The following ACTR3C variants were observed in gnomAD, a reference collection of about 807,000 sequenced individuals.
ACTR3C encodes the protein actin related protein 3C.
In ACTR3C, 18 loss-of-function variants were observed where a neutral mutation model predicts 26.3. That is an observed-to-expected ratio of 0.68 (90% CI 0.47 to 1.01). The LOEUF (loss-of-function observed/expected upper bound fraction) is 1.01, where lower values mean the gene tolerates loss of function less well. Among genes scored for constraint, ACTR3C ranks in the 50% least tolerant of loss-of-function variants. The pLI is 0.00. For missense variants in ACTR3C, 184 were observed against 250.7 expected, an observed-to-expected ratio of 0.73 and a Z score of 1.80; for synonymous variants, 55 against 94.5, an observed-to-expected ratio of 0.58 and a Z score of 2.42.
At chr7:150,268,070 T>C (rs1022162942) in intron 6 of ACTR3C, among the ~76,000 whole-genome samples, 3 of 152,108 alleles carry the variant, frequency 2.0e-5, no homozygotes, top group Non-Finnish European at 4.4e-5. Flanking sequence ...AGGAATGGCC[T>C]TGCTGAAAAG....
the ACTR3C span, among the ~76,000 whole-genome samples, chr7:149,944,297 C>T: frequency 0.23 from 34,862 of 150,720 alleles, 6,372 homozygotes; most frequent in African/African-American, 0.51. Context: ...CTAAGTGAAC[C>T]CTAAGGTTAC....
chr7:149,948,571 C>T, the ACTR3C span, among the ~76,000 whole-genome samples: 1 of 151,342 alleles, frequency 6.6e-6, no homozygotes, highest in African/African-American at 2.5e-5. Context: ...CTGGCTGGAA[C>T]GTTGGCCAGC....
chr7:150,133,203 C>T, the ACTR3C span, among the ~76,000 whole-genome samples: 4 of 152,226 alleles, frequency 2.6e-5, no homozygotes, highest in African/African-American at 7.2e-5. Context: ...TTAGGTTGGA[C>T]GCGAGCTTTG....
At chr7:150,303,820 A>G (rs1456098242) in intron 1 of ACTR3C, among the ~76,000 whole-genome samples, 4 of 152,240 alleles carry the variant, frequency 2.6e-5, no homozygotes, top group African/African-American at 9.6e-5. Context: ...CAGTGAGAAG[A>G]AGAGAAAGAG....
the ACTR3C span, among the ~76,000 whole-genome samples, chr7:149,947,750 G>A: frequency 1.4e-5 from 2 of 144,170 alleles, no homozygotes; most frequent in African/African-American, 2.9e-5. Context: ...CTGCTGATGC[G>A]GTGCAGCTAT....
chr7:150,173,713 C>T, the ACTR3C span, among the ~76,000 whole-genome samples: 2 of 129,532 alleles, frequency 1.5e-5, no homozygotes, highest in African/African-American at 7.3e-5. Context: ...AACTTTTATG[C>T]TCTGCTTCCC....
the ACTR3C span, among the ~76,000 whole-genome samples, chr7:149,963,263 T>TG: frequency 6.6e-6 from 1 of 152,154 alleles, no homozygotes; most frequent in Non-Finnish European, 1.5e-5. Context: ...CCAGATACAG[T>TG]GGGGAACTGC....
At chr7:150,056,662 G>T in the ACTR3C span, among the ~76,000 whole-genome samples, 1,698 of 151,420 alleles carry the variant, frequency 0.011, 17 homozygotes, top group African/African-American at 0.02. Context: ...ACTCTCAGCT[G>T]CAGCGGGATG....
rs187135279 is a variant in ACTR3C at position 150,294,992 on chromosome 7, T to A, written c.45+260A>T. ...GAAGCACATCTACACCTATATCTTG[T>A]CACCCAGATAAAAATGCATGAGACT... On this transcript the variant is annotated intron_variant, in intron 2 of 7. Coordinates refer to ENST00000683684, the MANE Select transcript of ACTR3C (RefSeq NM_001164458.2). 2.3e-3 allele frequency among the ~76,000 whole-genome samples: 350 copies of A among 152,160 alleles called. 10 individuals are homozygous for A. The highest frequency in any genetic ancestry group is 0.021 in the Admixed American group (320 of 15,298).
chr7:150,012,107 A>G, the ACTR3C span, among the ~76,000 whole-genome samples: 1 of 152,142 alleles, frequency 6.6e-6, no homozygotes, highest in Non-Finnish European at 1.5e-5. Context: ...ATATAAAAGA[A>G]CATTCCAGAT....
intron 1 of ACTR3C, among the ~76,000 whole-genome samples, chr7:150,303,461 C>T (rs1484300896): frequency 6.6e-6 from 1 of 152,222 alleles, no homozygotes; most frequent in Non-Finnish European, 1.5e-5. Context: ...TAAACTACTG[C>T]TTTTATACTT....
At chr7:149,972,862 A>AAT in the ACTR3C span, among the ~76,000 whole-genome samples, 2 of 151,998 alleles carry the variant, frequency 1.3e-5, no homozygotes, top group Non-Finnish European at 2.9e-5. Context: ...AGTGGGTGGC[A>AAT]CATCTATCCC....
chr7:149,976,303 G>A, the ACTR3C span, among the ~76,000 whole-genome samples: 1 of 152,084 alleles, frequency 6.6e-6, no homozygotes, highest in Non-Finnish European at 1.5e-5. Context: ...GGCCGGGCGC[G>A]GTGGCTCAAG....
At chr7:150,050,131 TGAAA>T in the ACTR3C span, among the ~76,000 whole-genome samples, 1 of 152,138 alleles carries the variant, frequency 6.6e-6, no homozygotes, top group Non-Finnish European at 1.5e-5. Context: ...AACATGGACA[TGAAA>T]GAAAGCTCAT....
chr7:150,137,357 G>A, the ACTR3C span, among the ~76,000 whole-genome samples: 6 of 152,272 alleles, frequency 3.9e-5, no homozygotes, highest in African/African-American at 9.6e-5. Context: ...GAAGGAGCAA[G>A]ACGAGGGAGA....
chr7:149,910,490 C>T, the ACTR3C span, among the ~76,000 whole-genome samples: 1 of 152,126 alleles, frequency 6.6e-6, no homozygotes, highest in Non-Finnish European at 1.5e-5. Context: ...AAAACCACCA[C>T]TCAGAACCAT....
At chr7:150,116,852 G>A in the ACTR3C span, among the ~76,000 whole-genome samples, 1 of 151,932 alleles carries the variant, frequency 6.6e-6, no homozygotes, top group African/African-American at 2.4e-5. Flanking sequence ...TGCAGAAGGT[G>A]GGTGATTTCT....
chr7:150,231,507 T>A, the ACTR3C span, among the ~76,000 whole-genome samples: 1 of 150,852 alleles, frequency 6.6e-6, no homozygotes, highest in Non-Finnish European at 1.5e-5. Flanking sequence ...CTGCCATGAG[T>A]GGAAGCTTCC....
chr7:149,992,208 G>A, the ACTR3C span, among the ~76,000 whole-genome samples: 1 of 152,282 alleles, frequency 6.6e-6, no homozygotes. Flanking sequence ...AAGGGTCCCT[G>A]AGAAAATACC....
Sources: gnomAD v4.1 joint callset for allele counts (sites outside exome capture counted in the v4.1 genomes callset) on GRCh38, gnomAD v4.1.1 for gene constraint, MANE v1.5 for transcripts, NCBI Gene and HGNC (gene_info 2026-07-23, HGNC 2026-07-21) for gene names.